EIF4A2: variants seen among roughly 807,000 people sequenced by gnomAD.
EIF4A2 encodes eukaryotic translation initiation factor 4A2, also known as eukaryotic initiation factor 4A-II.
Under a neutral mutation model 50.6 loss-of-function variants are expected in EIF4A2, and 9 were observed. That is an observed-to-expected ratio of 0.18 (90% CI 0.11 to 0.31). EIF4A2 has a LOEUF of 0.31. EIF4A2 is among the 10% of genes least tolerant of loss of function. EIF4A2 has a pLI of 1.00. For synonymous variants in EIF4A2, 215 were observed against 164.4 expected, an observed-to-expected ratio of 1.31 and a Z score of -2.35; for missense variants, 182 against 501.8, an observed-to-expected ratio of 0.36 and a Z score of 6.09.
Position 186,789,375 on chromosome 3 carries a change from C to T in EIF4A2, c.*106C>T, listed in dbSNP as rs2108464248. The T allele has an allele frequency of 7.0e-7, 1 of 1,432,778 alleles. No individual in the cohort carries two copies. The highest frequency in any genetic ancestry group is 9.3e-7 in the Non-Finnish European group (1 of 1,072,668). 88.8% of individuals were successfully genotyped at this position (1,432,778 alleles called of 1,614,324 possible). A position where few individuals can be genotyped will look rare whatever the true frequency, so the allele number is the denominator to read the frequency against. On this transcript the variant is annotated 3_prime_UTR_variant, in exon 11 of 11. Coordinates refer to ENST00000323963, the MANE Select transcript of EIF4A2 (RefSeq NM_001967.4). Reference sequence around the variant, plus strand: ...GGAATATTTGAATCTTGTCTCAATGCTCATAACGGATCAGAAATACAGATT... The same window carrying T: ...GGAATATTTGAATCTTGTCTCAATGTTCATAACGGATCAGAAATACAGATT...
At chr3:186,788,443 T>G in intron 10 of EIF4A2, 1 of 1,237,712 alleles carries the variant, frequency 8.1e-7, no homozygotes, top group Non-Finnish European at 1.0e-6. Context: ...GTTTTTCTTT[T>G]GTCATGATTA....
At chr3:186,786,461 A>C in intron 6 of EIF4A2, 41 bp from the exon 7 acceptor site, 1 of 1,602,956 alleles carries the variant, frequency 6.2e-7, no homozygotes, top group East Asian at 2.2e-5. Flanking sequence ...TTTGGGTATT[A>C]ATGTGTAAGT....
In EIF4A2 at chr3:186,787,276, TC is replaced by T. The variant is rs1418023765; in HGVS notation, c.909+13del. ...CAGTTTCTGCTCTGGTAAGAGGTGTTCTAAAATGTCTGGATTTCCACTAAAG... is the reference window on the plus strand; with the variant it reads ...CAGTTTCTGCTCTGGTAAGAGGTGTTTAAAATGTCTGGATTTCCACTAAAG... On this transcript the variant is annotated intron_variant, in intron 8 of 10. Coordinates refer to ENST00000323963, the MANE Select transcript of EIF4A2 (RefSeq NM_001967.4). 1.9e-6 allele frequency: 3 copies of T among 1,613,960 alleles called. No individual in the cohort carries two copies. Among genetic ancestry groups the T allele is most frequent in the Non-Finnish European group, 2.5e-6 (3 of 1,179,986 alleles).
At chr3:186,787,394 T>G (rs751319052) in intron 8 of EIF4A2, 101 bp from the exon 9 acceptor site, 1 of 1,600,248 alleles carries the variant, frequency 6.2e-7, no homozygotes, top group South Asian at 1.1e-5. Flanking sequence ...CTGTCTGCTA[T>G]TCTCCTGTAG....
At chr3:186,784,176 G>T in intron 1 of EIF4A2, 1 of 563,236 alleles carries the variant, frequency 1.8e-6, no homozygotes, top group Non-Finnish European at 3.1e-6. Context: ...GGAGTTCGGC[G>T]CTCCGAGCTC....
intron 10 of EIF4A2, chr3:186,788,583 T>C: frequency 2.4e-6 from 1 of 414,992 alleles, no homozygotes; most frequent in Non-Finnish European, 3.8e-6. Context: ...GTTAAACACG[T>C]TTAGAGTAAT....
intron 10 of EIF4A2, 67 bp from the exon 11 acceptor site, chr3:186,789,058 G>A (rs897206370): frequency 2.2e-5 from 33 of 1,526,790 alleles, no homozygotes; most frequent in Non-Finnish European, 2.9e-5. Context: ...GTTAACAAGT[G>A]GATCGTCATG....
intron 1 of EIF4A2, 152 bp downstream of exon 1, chr3:186,783,791 G>A (rs1721510764): frequency 2.4e-6 from 3 of 1,245,314 alleles, no homozygotes; most frequent in Admixed American, 2.0e-5. Context: ...TTCCATGATG[G>A]GTAGGGCCCG....
intron 1 of EIF4A2, 95 bp downstream of exon 1, chr3:186,783,734 A>G: frequency 1.3e-6 from 2 of 1,590,958 alleles, no homozygotes; most frequent in South Asian, 2.2e-5. Context: ...ACTCTAAATT[A>G]ATGGACGTTT....
intron 9 of EIF4A2, 64 bp downstream of exon 9, chr3:186,787,648 A>C (rs1225692260): frequency 1.2e-6 from 2 of 1,608,162 alleles, no homozygotes; most frequent in South Asian, 2.2e-5. Context: ...CAGGTTTTTA[A>C]GTAACCTTTG....
chr3:186,784,776 G>A, intron 3 of EIF4A2, 80 bp downstream of exon 3: 1 of 1,606,474 alleles, frequency 6.2e-7, no homozygotes, highest in East Asian at 2.2e-5. Context: ...TGGGGGACTA[G>A]CACCTGTTTG....
intron 1 of EIF4A2, 95 bp from the exon 2 acceptor site, chr3:186,784,337 C>A: frequency 6.3e-7 from 1 of 1,574,930 alleles, no homozygotes; most frequent in Non-Finnish European, 8.7e-7. Flanking sequence ...GCAGGGGAGG[C>A]TAACGTGCTG....
intron 9 of EIF4A2, 86 bp downstream of exon 9, chr3:186,787,670 T>G: frequency 6.3e-7 from 1 of 1,593,514 alleles, no homozygotes; most frequent in Non-Finnish European, 8.6e-7. Flanking sequence ...CAACTTGGGC[T>G]ATTTGGAAGA....
chr3:186,785,735 GGTC>G (rs1721665306), intron 4 of EIF4A2, 145 bp from the exon 5 acceptor site: 1 of 995,850 alleles, frequency 1.0e-6, no homozygotes, highest in African/African-American at 1.6e-5. Flanking sequence ...GCAGCAGTTA[GGTC>G]GTCTGCATTT....
chr3:186,787,057 C>T (rs1247526689), intron 7 of EIF4A2, 70 bp from the exon 8 acceptor site: 3 of 1,598,446 alleles, frequency 1.9e-6, no homozygotes, highest in Non-Finnish European at 2.6e-6. Flanking sequence ...GTGGCTGGCC[C>T]AGAATGAATT....
intron 10 of EIF4A2, chr3:186,788,257 A>G: frequency 7.8e-7 from 1 of 1,280,378 alleles, no homozygotes; most frequent in Non-Finnish European, 1.0e-6. Context: ...CCCTAAATAA[A>G]TTGAATTGTA....
rs370580137 is a variant in EIF4A2 at position 186,787,351 on chromosome 3, C to T, written c.909+87C>T. The T allele has an allele frequency of 2.3e-5, 37 of 1,612,254 alleles. No individual in the cohort carries two copies. The African/African-American group carries it at 4.4e-4, about 19-fold the overall frequency. ...TGCTAAGTGCTGTGTTGTCGTTCCC[C>T]CTGCTTAAAATAAAGTTGTTTCTTA... On this transcript the variant is annotated intron_variant, in intron 8 of 10. Transcript: ENST00000323963.
At chr3:186,786,110 A>C in intron 5 of EIF4A2, 54 bp from the exon 6 acceptor site, 1 of 1,601,556 alleles carries the variant, frequency 6.2e-7, no homozygotes, top group Non-Finnish European at 8.5e-7. Flanking sequence ...TTGAAAAGTC[A>C]AATTGTATCA....
chr3:186,788,572 AGTTAAACAC>A (rs1471345882), intron 10 of EIF4A2: 9 of 492,982 alleles, frequency 1.8e-5, no homozygotes, highest in Non-Finnish European at 2.7e-5. Context: ...GCTGTTTGGC[AGTTAAACAC>A]GTTTAGAGTA....
Sources: gnomAD v4.1 joint callset for allele counts on GRCh38, gnomAD v4.1.1 for gene constraint, MANE v1.5 for transcripts, NCBI Gene and HGNC (gene_info 2026-07-23, HGNC 2026-07-21) for gene names.